Variants in WWOX observed in about 807,000 individuals in gnomAD.
WWOX encodes WW domain-containing oxidoreductase.
WWOX carries 69 observed loss-of-function variants against 46.2 expected under a neutral mutation model. The observed-to-expected ratio is 1.49, with a 90% CI of 1.23 to 1.82. The LOEUF (loss-of-function observed/expected upper bound fraction) is 1.82, where lower values mean the gene tolerates loss of function less well. Among genes scored for constraint, WWOX ranks in the 40% most tolerant of loss-of-function variants. The pLI is 0.00. For missense variants in WWOX, 919 were observed against 542.6 expected (o/e 1.69, Z -6.89); for synonymous variants, 359 against 202.6 (o/e 1.77, Z -6.56).
At chr16:79,158,611 C>T (rs779755462) in intron 8 of WWOX, among the ~76,000 whole-genome samples, 1 of 152,224 alleles carries the variant, frequency 6.6e-6, no homozygotes, top group Non-Finnish European at 1.5e-5. Context: ...CAAGTTCCTG[C>T]ATTCCCGCCT....
chr16:78,587,609 C>T (rs1354360673), intron 8 of WWOX, among the ~76,000 whole-genome samples: 1 of 152,060 alleles, frequency 6.6e-6, no homozygotes, highest in South Asian at 2.1e-4. Context: ...AGAAATGTCA[C>T]TTTCTTTGGT....
chr16:78,100,597 C>T (rs2031709891), intron 1 of WWOX, among the ~76,000 whole-genome samples: 1 of 152,178 alleles, frequency 6.6e-6, no homozygotes, highest in Non-Finnish European at 1.5e-5. Flanking sequence ...CTATCATTTC[C>T]TGGGAAAGTT....
chr16:78,929,973 C>G (rs561356755), intron 8 of WWOX, among the ~76,000 whole-genome samples: 1 of 152,246 alleles, frequency 6.6e-6, no homozygotes, highest in South Asian at 2.1e-4. Flanking sequence ...GCAGCTAGCT[C>G]TCTGTGACCG....
Position 78,116,920 on chromosome 16 carries a change from A to G in WWOX, c.409+1766A>G, listed in dbSNP as rs573722312. On this transcript the variant is annotated intron_variant, in intron 4 of 8. Coordinates refer to ENST00000566780, the MANE Select transcript of WWOX (RefSeq NM_016373.4). Reference sequence around the variant, plus strand: ...TGCTCCATGTGACATTAGATAGCAGACTCTTGAATAGAGCTAATGCTCTTT... The same window carrying G: ...TGCTCCATGTGACATTAGATAGCAGGCTCTTGAATAGAGCTAATGCTCTTT... 2.0e-5 allele frequency among the ~76,000 whole-genome samples: 3 copies of G among 152,296 alleles called. No individual in the cohort carries two copies. In the East Asian group the frequency reaches 5.8e-4, roughly 29 times the overall value.
chr16:78,213,752 C>G (rs2036632365), intron 5 of WWOX, among the ~76,000 whole-genome samples: 1 of 152,124 alleles, frequency 6.6e-6, no homozygotes, highest in Non-Finnish European at 1.5e-5. Context: ...CAAAATGAAG[C>G]TGCAAATGTC....
At chr16:78,680,688 T>C (rs1302153939) in intron 8 of WWOX, among the ~76,000 whole-genome samples, 4 of 152,242 alleles carry the variant, frequency 2.6e-5, no homozygotes, top group South Asian at 2.1e-4. Flanking sequence ...CGGACACATC[T>C]AGTGGCTCCC....
chr16:78,688,172 T>C (rs1250710578), intron 8 of WWOX, among the ~76,000 whole-genome samples: 2 of 151,594 alleles, frequency 1.3e-5, no homozygotes, highest in Admixed American at 1.3e-4. Context: ...AAAAAAAAAA[T>C]GTGAGGCCTT....
rs190999618 is a variant in WWOX at position 78,122,691 on chromosome 16, G to T, written c.409+7537G>T. ...GTGATCTCAGCTCACTGCAACCTCC[G>T]CCTCCCGGGTTGAAGTGATTCTCCT... On this transcript the variant is annotated intron_variant, in intron 4 of 8. Coordinates refer to ENST00000566780, the MANE Select transcript of WWOX (RefSeq NM_016373.4). Among the ~76,000 whole-genome samples, 27 of 150,998 alleles carry T rather than the reference G, an allele frequency of 1.8e-4. No homozygotes were observed. In the South Asian group the frequency reaches 4.6e-3, roughly 26 times the overall value.
At chr16:78,804,019 C>T (rs1296953898) in intron 8 of WWOX, among the ~76,000 whole-genome samples, 1 of 152,064 alleles carries the variant, frequency 6.6e-6, no homozygotes, top group African/African-American at 2.4e-5. Flanking sequence ...TAGAAACAGC[C>T]CCATCACTAT....
At chr16:78,675,883 C>T (rs920118342) in intron 8 of WWOX, among the ~76,000 whole-genome samples, 1 of 151,932 alleles carries the variant, frequency 6.6e-6, no homozygotes, top group Non-Finnish European at 1.5e-5. Context: ...GTGGCATACT[C>T]ATTATAGAAA....
At chr16:79,158,085 A>T (rs2050416946) in intron 8 of WWOX, among the ~76,000 whole-genome samples, 1 of 152,170 alleles carries the variant, frequency 6.6e-6, no homozygotes, top group African/African-American at 2.4e-5. Context: ...GAGATCCCAG[A>T]TGTCAAAGCA....
intron 8 of WWOX, among the ~76,000 whole-genome samples, chr16:78,560,976 G>C (rs148074492): frequency 4.4e-4 from 67 of 152,270 alleles, no homozygotes; most frequent in African/African-American, 1.5e-3. Context: ...AATGTGACTG[G>C]CTTCTCTGCT....
intron 8 of WWOX, among the ~76,000 whole-genome samples, chr16:79,149,740 G>C (rs947190996): frequency 6.6e-6 from 1 of 152,186 alleles, no homozygotes; most frequent in Non-Finnish European, 1.5e-5. Context: ...GCAGCCAGTG[G>C]GTTACAGCAG....
At chr16:78,706,621 G>C (rs991205714) in intron 8 of WWOX, among the ~76,000 whole-genome samples, 1 of 152,126 alleles carries the variant, frequency 6.6e-6, no homozygotes, top group African/African-American at 2.4e-5. Context: ...CAAGAAAATA[G>C]TTTTTTTCCA....
At position 78,743,712 on chromosome 16, in the gene WWOX, CTT is replaced by C. The variant is rs369961722; in HGVS notation, c.1056+310962_1056+310963del. ...TCAGCCGTTTGCATAGGAGCTGTAA[CTT>C]TGTAACTTCGCTTCACCCTCTGATT... On this transcript the variant is annotated intron_variant, in intron 8 of 8. Transcript: ENST00000566780. Among the ~76,000 whole-genome samples, 259 of 152,234 alleles carry C rather than the reference CTT, an allele frequency of 1.7e-3. 1 individual carries two copies. Among genetic ancestry groups the C allele is most frequent in the African/African-American group, 5.7e-3 (237 of 41,528 alleles).
intron 8 of WWOX, among the ~76,000 whole-genome samples, chr16:78,521,552 C>G (rs372000591): frequency 9.2e-5 from 14 of 152,138 alleles, no homozygotes; most frequent in Admixed American, 2.0e-4. Flanking sequence ...AAATAGAGTT[C>G]TACTTATATT....
intron 8 of WWOX, among the ~76,000 whole-genome samples, chr16:78,839,432 C>T (rs2052079590): frequency 6.6e-6 from 1 of 152,138 alleles, no homozygotes; most frequent in Non-Finnish European, 1.5e-5. Flanking sequence ...CAAAAGACAG[C>T]AACAAGATCC....
At chr16:79,126,866 G>C (rs2049768577) in intron 8 of WWOX, among the ~76,000 whole-genome samples, 1 of 152,140 alleles carries the variant, frequency 6.6e-6, no homozygotes, top group Non-Finnish European at 1.5e-5. Context: ...TGTGCTCAAA[G>C]CTGAATTTTG....
At chr16:79,211,527 A>C in intron 8 of WWOX, 81 bp from the exon 9 acceptor site, 1 of 1,575,740 alleles carries the variant, frequency 6.3e-7, no homozygotes, top group Non-Finnish European at 8.7e-7. Context: ...GAGGCCTGCT[A>C]ATGCCCAGGC....
Sources: gnomAD v4.1 joint callset for allele counts (sites outside exome capture counted in the v4.1 genomes callset) on GRCh38, gnomAD v4.1.1 for gene constraint, MANE v1.5 for transcripts, NCBI Gene and HGNC (gene_info 2026-07-23, HGNC 2026-07-21) for gene names.